Variants in ATP13A5 observed in about 807,000 individuals in gnomAD.
ATP13A5 encodes probable cation-transporting ATPase 13A5.
ATP13A5 carries 149 observed loss-of-function variants against 150.2 expected under a neutral mutation model. The ratio of observed to expected loss-of-function variants is 0.99; its 90% confidence interval spans 0.87 to 1.14. ATP13A5 has a LOEUF of 1.14. ATP13A5 is among the 50% of genes most tolerant of loss of function. ATP13A5 has a pLI of 0.00. For missense variants in ATP13A5, 1,383 were observed against 1,449.3 expected, an observed-to-expected ratio of 0.95 and a Z score of 0.74; for synonymous variants, 497 against 522.2, an observed-to-expected ratio of 0.95 and a Z score of 0.66.
intron 26 of ATP13A5, among the ~76,000 whole-genome samples, chr3:193,288,487 A>T (rs1419735023): frequency 2.0e-5 from 3 of 152,146 alleles, no homozygotes; most frequent in Non-Finnish European, 4.4e-5. Context: ...GACTTGCTGA[A>T]GGCTCAGATG....
intron 25 of ATP13A5, among the ~76,000 whole-genome samples, chr3:193,298,422 A>G (rs543354019): frequency 6.6e-6 from 1 of 152,116 alleles, no homozygotes; most frequent in Non-Finnish European, 1.5e-5. Context: ...TACATAAAAC[A>G]TATCAGTTTT....
intron 1 of ATP13A5, among the ~76,000 whole-genome samples, chr3:193,378,154 T>C (rs1196627322): frequency 2.6e-5 from 4 of 152,134 alleles, no homozygotes; most frequent in Non-Finnish European, 5.9e-5. Flanking sequence ...GTTTAAAATA[T>C]GTGTTAAAAA....
At chr3:193,325,156 G>C in intron 13 of ATP13A5, 142 bp from the exon 14 acceptor site, 1 of 796,356 alleles carries the variant, frequency 1.3e-6, no homozygotes, top group Non-Finnish European at 2.0e-6. Flanking sequence ...AAATGATAAA[G>C]TCCAAACCCC....
intron 6 of ATP13A5, among the ~76,000 whole-genome samples, chr3:193,351,862 G>A (rs561413738): frequency 5.3e-5 from 8 of 152,260 alleles, no homozygotes; most frequent in South Asian, 2.1e-4. Flanking sequence ...ATTTCTGGTC[G>A]CATGAGAATA....
intron 14 of ATP13A5, chr3:193,323,902 T>C (rs1300025026): frequency 1.3e-5 from 2 of 152,238 alleles, no homozygotes; most frequent in African/African-American, 2.4e-5. Flanking sequence ...GTTTAACTGC[T>C]GTACTGTATT....
intron 3 of ATP13A5, among the ~76,000 whole-genome samples, 176 bp from the exon 4 acceptor site, chr3:193,362,813 C>CTCTCTTTCTTTCTCTCTTTCTTTCTCTG (rs59105884): frequency 8.9e-6 from 1 of 111,962 alleles, no homozygotes; most frequent in African/African-American, 3.3e-5. Flanking sequence ...TTCTTTCTTT[C>CTCTCTTTCTTTCTCTCTTTCTTTCTCTG]AGACAGGGTC....
intron 26 of ATP13A5, among the ~76,000 whole-genome samples, chr3:193,287,329 T>A (rs551162531): frequency 6.6e-6 from 1 of 152,294 alleles, no homozygotes; most frequent in Admixed American, 6.5e-5. Flanking sequence ...TCTAGGACTT[T>A]AATAACTAGA....
At chr3:193,358,698 C>T (rs1308197233) in intron 5 of ATP13A5, among the ~76,000 whole-genome samples, 1 of 152,134 alleles carries the variant, frequency 6.6e-6, no homozygotes, top group Non-Finnish European at 1.5e-5. Flanking sequence ...CAGGAAAACT[C>T]GAGAAGTTGG....
intron 17 of ATP13A5, among the ~76,000 whole-genome samples, chr3:193,317,336 T>C (rs1193409769): frequency 1.3e-5 from 2 of 152,230 alleles, no homozygotes; most frequent in Admixed American, 1.3e-4. Context: ...GAACCACTAG[T>C]GGGATAATAT....
chr3:193,331,909 C>T (rs1711642294), intron 11 of ATP13A5, among the ~76,000 whole-genome samples: 1 of 152,126 alleles, frequency 6.6e-6, no homozygotes, highest in African/African-American at 2.4e-5. Context: ...TTCCCAAGGC[C>T]ACATACTAGG....
At chr3:193,292,774 C>CT (rs778937783) in intron 25 of ATP13A5, among the ~76,000 whole-genome samples, 17 of 152,040 alleles carry the variant, frequency 1.1e-4, no homozygotes, top group Non-Finnish European at 2.2e-4. Context: ...GAATAACTGC[C>CT]TGATGGTATA....
At chr3:193,338,629 G>T (rs907455059) in intron 9 of ATP13A5, among the ~76,000 whole-genome samples, 2 of 152,136 alleles carry the variant, frequency 1.3e-5, no homozygotes, top group African/African-American at 4.8e-5. Context: ...GCTGGATTTG[G>T]TTTGCCAGTA....
At chr3:193,333,158 A>AAC (rs1198722710) in intron 11 of ATP13A5, among the ~76,000 whole-genome samples, 2 of 143,748 alleles carry the variant, frequency 1.4e-5, no homozygotes, top group East Asian at 2.0e-4. Flanking sequence ...CACACACACA[A>AAC]ACACACACAC....
At chr3:193,355,223 C>T (rs1021130746) in intron 5 of ATP13A5, among the ~76,000 whole-genome samples, 7 of 152,152 alleles carry the variant, frequency 4.6e-5, no homozygotes, top group South Asian at 2.1e-4. Context: ...TGAGCCAGCA[C>T]GCCCGGCCTA....
In ATP13A5 at chr3:193,275,014, T is replaced by C; in HGVS notation, c.*28A>G. ...TTAATTTTGGGGAAAAAAGCAATGC[T>C]GTTGAGCATGTACGACGACAATTCT... On this transcript the variant is annotated 3_prime_UTR_variant, in exon 30 of 30. Transcript: ENST00000342358. 4.3e-6 allele frequency: 7 copies of C among 1,611,954 alleles called. No homozygotes were observed. The highest frequency in any genetic ancestry group is 5.9e-6 in the Non-Finnish European group (7 of 1,178,762).
At chr3:193,320,358 G>A (rs915450853) in intron 16 of ATP13A5, among the ~76,000 whole-genome samples, 10 of 152,192 alleles carry the variant, frequency 6.6e-5, no homozygotes, top group Non-Finnish European at 2.9e-5. Context: ...ATGGGGTACG[G>A]TGGTGGTGGA....
chr3:193,324,732 C>A, intron 14 of ATP13A5, 132 bp downstream of exon 14: 1 of 968,606 alleles, frequency 1.0e-6, no homozygotes, highest in East Asian at 2.5e-5. Flanking sequence ...TTGGGAAGTT[C>A]TGGTAGTGTT....
At chr3:193,311,395 A>G (rs1033275412) in intron 20 of ATP13A5, among the ~76,000 whole-genome samples, 1 of 152,230 alleles carries the variant, frequency 6.6e-6, no homozygotes, top group African/African-American at 2.4e-5. Context: ...CTCTGAAAAT[A>G]AACCATGGGG....
intron 9 of ATP13A5, among the ~76,000 whole-genome samples, chr3:193,337,644 T>C (rs563172478): frequency 6.6e-6 from 1 of 152,208 alleles, no homozygotes; most frequent in Non-Finnish European, 1.5e-5. Flanking sequence ...CCTTGTAGTA[T>C]AGTTTGAAGT....
Sources: allele counts gnomAD v4.1 joint callset (sites outside exome capture counted in the v4.1 genomes callset), GRCh38; gene constraint gnomAD v4.1.1; transcripts MANE v1.5; gene names NCBI Gene and HGNC (gene_info 2026-07-23, HGNC 2026-07-21).